Variants in ROBO1 observed in about 807,000 individuals in gnomAD.
The protein encoded by ROBO1 is roundabout guidance receptor 1.
A neutral mutation model predicts 195.9 loss-of-function variants in ROBO1; 149 were observed. That is an observed-to-expected ratio of 0.76 (90% CI 0.67 to 0.87). The LOEUF (loss-of-function observed/expected upper bound fraction) is 0.87, where lower values mean the gene tolerates loss of function less well. Ranked by LOEUF, ROBO1 falls within the 40% of genes least tolerant of loss-of-function variation. ROBO1 has a pLI of 0.00. For missense variants in ROBO1, 1,933 were observed against 2,068.3 expected (o/e 0.93, Z 1.27); for synonymous variants, 816 against 733.2 (o/e 1.11, Z -1.82).
At chr3:78,995,979 C>G (rs925574684) in intron 3 of ROBO1, among the ~76,000 whole-genome samples, 3 of 151,908 alleles carry the variant, frequency 2.0e-5, no homozygotes, top group Non-Finnish European at 2.9e-5. Context: ...CCTAAAGGGG[C>G]AGCTCCAATC....
intron 8 of ROBO1, among the ~76,000 whole-genome samples, chr3:78,703,681 G>C (rs1440086950): frequency 1.3e-5 from 2 of 151,904 alleles, no homozygotes; most frequent in Non-Finnish European, 1.5e-5. Context: ...TTTTGAATAA[G>C]ACTCTTGAGA....
intron 4 of ROBO1, among the ~76,000 whole-genome samples, chr3:78,755,772 GAAC>G (rs1475144050): frequency 1.3e-5 from 2 of 152,046 alleles, no homozygotes; most frequent in African/African-American, 4.8e-5. Flanking sequence ...CTACGAGGAG[GAAC>G]AACAGAACAA....
At position 79,306,327 on chromosome 3, in the gene ROBO1, G is replaced by T. The variant is rs145477771; in HGVS notation, c.89-180788C>A. Among the ~76,000 whole-genome samples, 1,000 of 152,256 alleles carry T rather than the reference G, an allele frequency of 6.6e-3. 6 individuals carry two copies. The highest frequency in any genetic ancestry group is 0.01 in the Non-Finnish European group (683 of 68,026). On this transcript the variant is annotated intron_variant, in intron 2 of 30. Coordinates refer to ENST00000464233, the MANE Select transcript of ROBO1 (RefSeq NM_002941.4). ...TAAAATTGACCTTAGAATTCAGGGG[G>T]TTAGATTTCAATCTCCAAGAATGAT...
chr3:79,019,381 C>A (rs941185731), intron 3 of ROBO1: 13 of 985,764 alleles, frequency 1.3e-5, no homozygotes, highest in Admixed American at 6.1e-5. Flanking sequence ...GAGACGGCCG[C>A]CGCGGCTCAC....
chr3:78,673,562 T>G (rs866570144), intron 10 of ROBO1, among the ~76,000 whole-genome samples: 1 of 63,366 alleles, frequency 1.6e-5, no homozygotes, highest in African/African-American at 5.2e-5. Flanking sequence ...TACATATATT[T>G]TATATATATA....
intron 4 of ROBO1, among the ~76,000 whole-genome samples, chr3:78,788,377 C>A (rs2108513404): frequency 6.9e-6 from 1 of 144,428 alleles, no homozygotes; most frequent in East Asian, 2.1e-4. Context: ...CTCGGCCTCC[C>A]AAAGTGCTGG....
chr3:78,680,317 T>C (rs1265938622), intron 10 of ROBO1, among the ~76,000 whole-genome samples: 320 of 151,878 alleles, frequency 2.1e-3, no homozygotes, highest in Non-Finnish European at 3.6e-3. Flanking sequence ...GCAACAAAAG[T>C]CAAAATTGAC....
At chr3:78,687,620 G>A (rs1471356854) in intron 9 of ROBO1, among the ~76,000 whole-genome samples, 2 of 152,076 alleles carry the variant, frequency 1.3e-5, no homozygotes, top group South Asian at 2.1e-4. Flanking sequence ...CAAGGGAAAC[G>A]TTCTGTTTTA....
chr3:78,631,168 C>A lies in ROBO1; in HGVS notation c.3619G>T (p.Asp1207Tyr). The A allele has an allele frequency of 6.2e-7, 1 of 1,610,988 alleles. No homozygotes were observed. Among genetic ancestry groups the A allele is most frequent in the Non-Finnish European group, 8.5e-7 (1 of 1,178,472 alleles). Residue 1207 changes from aspartate (D) to tyrosine (Y), a missense_variant, in exon 25 of 31, where the codon GAT becomes TAT. Around this residue, in one of 3 missense-constraint regions of ROBO1, gnomAD observed 1,737 missense variants for 1,882.5 expected, o/e 0.92. Transcript: ENST00000464233. ...SNSEEYNISVDESYDQEMPCP... is the reference protein window; with the variant it reads ...SNSEEYNISVYESYDQEMPCP... ...TTTGGATGCTCCTCTTACCTTTCAT[C>A]TACAGAAATGTTGTACTCTTCGCTA... is the stretch of plus-strand genomic sequence containing the variant.
At chr3:79,438,072 A>T (rs994021145) in intron 2 of ROBO1, among the ~76,000 whole-genome samples, 4 of 151,868 alleles carry the variant, frequency 2.6e-5, no homozygotes, top group African/African-American at 9.7e-5. Flanking sequence ...AGAAATTGGG[A>T]TATCTATTTA....
chr3:79,182,501 A>C (rs757279062), intron 2 of ROBO1, among the ~76,000 whole-genome samples: 3 of 152,070 alleles, frequency 2.0e-5, no homozygotes, highest in African/African-American at 7.2e-5. Flanking sequence ...GGGCTATGAT[A>C]CATAATGAAA....
At chr3:78,975,766 C>T (rs554352664) in intron 3 of ROBO1, among the ~76,000 whole-genome samples, 40 of 152,196 alleles carry the variant, frequency 2.6e-4, no homozygotes, top group African/African-American at 7.5e-4. Context: ...GAAATTAATT[C>T]GTCCACCTCT....
chr3:78,643,011 T>C (rs1706059866), intron 21 of ROBO1, among the ~76,000 whole-genome samples: 1 of 152,154 alleles, frequency 6.6e-6, no homozygotes, highest in Non-Finnish European at 1.5e-5. Context: ...ATCATTCATG[T>C]GATTTATCGC....
At chr3:78,722,905 T>C (rs150465491) in intron 5 of ROBO1, among the ~76,000 whole-genome samples, 1 of 151,882 alleles carries the variant, frequency 6.6e-6, no homozygotes, top group Non-Finnish European at 1.5e-5. Flanking sequence ...AAATAAACCA[T>C]ATAAAGCACT....
intron 25 of ROBO1, among the ~76,000 whole-genome samples, chr3:78,630,784 G>A (rs1189954783): frequency 6.6e-6 from 1 of 152,146 alleles, no homozygotes; most frequent in Non-Finnish European, 1.5e-5. Flanking sequence ...GGATCCCATC[G>A]TTGTGGTATA....
chr3:79,566,174 G>A (rs1401293726), intron 2 of ROBO1, among the ~76,000 whole-genome samples: 4 of 152,060 alleles, frequency 2.6e-5, no homozygotes, highest in Non-Finnish European at 4.4e-5. Flanking sequence ...AAAAAGAAAA[G>A]TCTTTTCTCT....
chr3:79,502,448 G>A (rs373781878), intron 2 of ROBO1, among the ~76,000 whole-genome samples: 1 of 152,112 alleles, frequency 6.6e-6, no homozygotes, highest in African/African-American at 2.4e-5. Flanking sequence ...GCCTCCCCGC[G>A]GGGCAGGGCT....
intron 2 of ROBO1, among the ~76,000 whole-genome samples, chr3:79,239,213 A>G (rs1326296338): frequency 6.6e-6 from 1 of 152,204 alleles, no homozygotes; most frequent in East Asian, 1.9e-4. Flanking sequence ...AAGTATCCAA[A>G]AAGTGCTATA....
chr3:79,693,704 C>T (rs1367725865), intron 1 of ROBO1, among the ~76,000 whole-genome samples: 1 of 151,748 alleles, frequency 6.6e-6, no homozygotes, highest in Non-Finnish European at 1.5e-5. Context: ...TTCCAAAGCA[C>T]TGGGATTATA....
Sources: allele counts gnomAD v4.1 joint callset (sites outside exome capture counted in the v4.1 genomes callset), GRCh38; gene constraint gnomAD v4.1.1; regional missense constraint gnomAD v4.1.1; transcripts MANE v1.5; gene names NCBI Gene and HGNC (gene_info 2026-07-23, HGNC 2026-07-21).